Variants in RAPGEF2 observed in about 807,000 individuals in gnomAD.
RAPGEF2 encodes the protein Rap guanine nucleotide exchange factor 2.
Under a neutral mutation model 186.7 loss-of-function variants are expected in RAPGEF2, and 54 were observed. That is an observed-to-expected ratio of 0.29 (90% CI 0.23 to 0.36). The LOEUF (loss-of-function observed/expected upper bound fraction) is 0.36. Among genes scored for constraint, RAPGEF2 ranks in the 10% least tolerant of loss-of-function variants. The pLI is 1.00. For missense variants in RAPGEF2, 1,532 were observed against 2,045.0 expected, an observed-to-expected ratio of 0.75 and a Z score of 4.84; for synonymous variants, 712 against 705.9, an observed-to-expected ratio of 1.01 and a Z score of -0.14.
intron 7 of RAPGEF2, chr4:159,282,570 G>A (rs898205664): frequency 2.8e-5 from 12 of 432,902 alleles, no homozygotes; most frequent in Admixed American, 2.4e-4. Flanking sequence ...CTATGCTTTC[G>A]GCTTTTATAC....
At chr4:159,114,771 T>C (rs1385309929) in intron 1 of RAPGEF2, among the ~76,000 whole-genome samples, 2 of 152,192 alleles carry the variant, frequency 1.3e-5, no homozygotes, top group African/African-American at 4.8e-5. Context: ...TTGTAGATTC[T>C]CTCTTCCCCA....
At chr4:159,275,180 T>C (rs1373625098) in intron 7 of RAPGEF2, among the ~76,000 whole-genome samples, 1 of 152,098 alleles carries the variant, frequency 6.6e-6, no homozygotes, top group Middle Eastern at 3.2e-3. Context: ...TCTATATTTC[T>C]TTTGTACTCT....
intron 3 of RAPGEF2, among the ~76,000 whole-genome samples, chr4:159,203,597 T>C (rs1749673288): frequency 6.6e-6 from 1 of 152,098 alleles, no homozygotes; most frequent in South Asian, 2.1e-4. Flanking sequence ...ATATACTATT[T>C]AGAAGCTAGA....
intron 5 of RAPGEF2, among the ~76,000 whole-genome samples, chr4:159,240,125 G>A (rs1753784673): frequency 6.6e-6 from 1 of 152,002 alleles, no homozygotes; most frequent in South Asian, 2.1e-4. Flanking sequence ...TTGAGATTTT[G>A]CCCTCTGTTA....
At chr4:159,206,507 C>G (rs184665410) in intron 3 of RAPGEF2, among the ~76,000 whole-genome samples, 34 of 152,252 alleles carry the variant, frequency 2.2e-4, no homozygotes, top group East Asian at 1.4e-3. Flanking sequence ...GCTGCTACTA[C>G]TAAGTACTAT....
At chr4:159,231,078 TGTG>T (rs1401508432) in intron 4 of RAPGEF2, among the ~76,000 whole-genome samples, 4 of 152,150 alleles carry the variant, frequency 2.6e-5, no homozygotes, top group African/African-American at 7.2e-5. Flanking sequence ...AAGATTATAA[TGTG>T]GTATTTTTAC....
intron 19 of RAPGEF2, among the ~76,000 whole-genome samples, chr4:159,341,101 C>A (rs569850964): frequency 6.6e-6 from 1 of 152,098 alleles, no homozygotes; most frequent in East Asian, 1.9e-4. Flanking sequence ...AATAAGTCAA[C>A]CTGGATTGTT....
At chr4:159,248,152 A>G (rs992530718) in intron 7 of RAPGEF2, among the ~76,000 whole-genome samples, 8 of 152,176 alleles carry the variant, frequency 5.3e-5, no homozygotes, top group African/African-American at 1.2e-4. Flanking sequence ...TTCTATTCCA[A>G]TAGTGTTTAA....
At chr4:159,301,642 G>A (rs1360372146) in intron 7 of RAPGEF2, among the ~76,000 whole-genome samples, 1 of 152,084 alleles carries the variant, frequency 6.6e-6, no homozygotes, top group Non-Finnish European at 1.5e-5. Flanking sequence ...ATTACTTAAG[G>A]CCAGAAGTTT....
At chr4:159,157,474 A>G (rs1022326747) in intron 1 of RAPGEF2, among the ~76,000 whole-genome samples, 1 of 152,224 alleles carries the variant, frequency 6.6e-6, no homozygotes, top group Admixed American at 6.5e-5. Flanking sequence ...TAGTTTGGGA[A>G]TCATAAACCC....
At chr4:159,301,451 A>T (rs1049955417) in intron 7 of RAPGEF2, among the ~76,000 whole-genome samples, 1 of 152,214 alleles carries the variant, frequency 6.6e-6, no homozygotes, top group Non-Finnish European at 1.5e-5. Flanking sequence ...TGAACATGGC[A>T]TCTATTCTTA....
chr4:159,203,724 T>TGTAG (rs777380092), intron 3 of RAPGEF2, among the ~76,000 whole-genome samples: 1 of 152,236 alleles, frequency 6.6e-6, no homozygotes, highest in East Asian at 1.9e-4. Context: ...AAAGCAAAGC[T>TGTAG]GTAGGTTGGT....
intron 8 of RAPGEF2, among the ~76,000 whole-genome samples, chr4:159,305,133 A>G (rs907510497): frequency 4.6e-5 from 7 of 152,216 alleles, no homozygotes; most frequent in African/African-American, 1.2e-4. Flanking sequence ...TAGTGCTGCA[A>G]TAAACATACA....
intron 4 of RAPGEF2, among the ~76,000 whole-genome samples, chr4:159,224,231 A>T (rs578076385): frequency 1.3e-5 from 2 of 152,146 alleles, no homozygotes; most frequent in Non-Finnish European, 2.9e-5. Context: ...TCCCTTATGT[A>T]TAGGAAATTT....
intron 7 of RAPGEF2, among the ~76,000 whole-genome samples, chr4:159,244,083 C>A (rs1458266128): frequency 6.6e-6 from 1 of 151,948 alleles, no homozygotes; most frequent in East Asian, 1.9e-4. Flanking sequence ...CCTTCACTAA[C>A]CTGCTTTGCA....
chr4:159,154,724 T>C (rs142715812), intron 1 of RAPGEF2, among the ~76,000 whole-genome samples: 1 of 152,306 alleles, frequency 6.6e-6, no homozygotes, highest in African/African-American at 2.4e-5. Flanking sequence ...ATCTCTTGAA[T>C]CAGAGACATA....
Position 159,242,614 on chromosome 4 carries a change from T to A in RAPGEF2, c.526-1160T>A, listed in dbSNP as rs775291155. ...TCATAGTTGAATCATTTTATTGAGC[T>A]CATTTGGAAAGGACTGCTTTTTCCT... On this transcript the variant is annotated intron_variant, in intron 6 of 29. Transcript: ENST00000691494. 5.7e-4 allele frequency among the ~76,000 whole-genome samples: 86 copies of A among 152,008 alleles called. 1 individual carries two copies. Among genetic ancestry groups the A allele is most frequent in the Non-Finnish European group, 8.0e-4 (54 of 67,922 alleles).
At chr4:159,357,861 T>G (rs1276227776) in intron 29 of RAPGEF2, among the ~76,000 whole-genome samples, 1 of 152,230 alleles carries the variant, frequency 6.6e-6, no homozygotes, top group South Asian at 2.1e-4. Context: ...ATTTAACAAC[T>G]TTCTGAACAA....
chr4:159,345,053 A>T, intron 23 of RAPGEF2, 53 bp from the exon 24 acceptor site: 1 of 1,454,476 alleles, frequency 6.9e-7, no homozygotes, highest in Middle Eastern at 2.2e-4. Context: ...TTTTAAATAG[A>T]TAAAGTACTC....
Sources: gnomAD v4.1 joint callset for allele counts (sites outside exome capture counted in the v4.1 genomes callset) on GRCh38, gnomAD v4.1.1 for gene constraint, MANE v1.5 for transcripts, NCBI Gene and HGNC (gene_info 2026-07-23, HGNC 2026-07-21) for gene names.